The following RELCH variants were observed in gnomAD, a reference collection of about 807,000 sequenced individuals.
RELCH encodes RAB11 binding and LisH domain, coiled-coil and HEAT repeat containing, also known as RAB11-binding protein RELCH.
A neutral mutation model predicts 150.3 loss-of-function variants in RELCH; 41 were observed. That is an observed-to-expected ratio of 0.27 (90% CI 0.21 to 0.35). The LOEUF is 0.35. Among genes scored for constraint, RELCH ranks in the 10% least tolerant of loss-of-function variants. The pLI is 1.00. For missense variants in RELCH, 1,092 were observed against 1,467.8 expected, an observed-to-expected ratio of 0.74 and a Z score of 4.18; for synonymous variants, 478 against 531.8, an observed-to-expected ratio of 0.90 and a Z score of 1.39.
intron 1 of RELCH, among the ~76,000 whole-genome samples, chr18:62,193,805 G>A (rs2038825821): frequency 6.6e-6 from 1 of 152,106 alleles, no homozygotes; most frequent in African/African-American, 2.4e-5. Flanking sequence ...GTTCATCAGG[G>A]ATAGTATTTT....
chr18:62,279,466 AT>A (rs1255056841), intron 22 of RELCH, among the ~76,000 whole-genome samples: 1 of 152,188 alleles, frequency 6.6e-6, no homozygotes, highest in Non-Finnish European at 1.5e-5. Context: ...CTAAAAAAGT[AT>A]TCTTTTCAGT....
Position 62,252,893 on chromosome 18 carries a change from T to A in RELCH, c.1824+139T>A, listed in dbSNP as rs148810650. 1.4e-3 allele frequency: 922 copies of A among 647,868 alleles called. 8 individuals carry two copies. The East Asian group carries it at 0.016, about 12-fold the overall frequency. The allele number at this position is 647,868 out of a possible 1,614,324, so 40.1% of individuals were successfully genotyped here. A position where few individuals can be genotyped will look rare whatever the true frequency, so the allele number is the denominator to read the frequency against. ...TGTTTCTGTAGCCCAGCACAGTGAT[T>A]TATTAGTACTTACGAATGCTCTGGG... is the stretch of plus-strand genomic sequence containing the variant. On this transcript the variant is annotated intron_variant, in intron 12 of 28. Coordinates refer to ENST00000644646, the MANE Select transcript of RELCH (RefSeq NM_001346231.2).
intron 11 of RELCH, among the ~76,000 whole-genome samples, chr18:62,251,787 T>C (rs763793347): frequency 3.9e-5 from 6 of 152,184 alleles, no homozygotes; most frequent in Non-Finnish European, 5.9e-5. Context: ...TGAAGTTGTG[T>C]AGAAACTGAA....
intron 23 of RELCH, chr18:62,280,369 C>T (rs772565185): frequency 5.6e-6 from 9 of 1,613,696 alleles, no homozygotes; most frequent in East Asian, 2.2e-5. Context: ...GCTGACTCTT[C>T]GAGGCATGAG....
At chr18:62,254,466 A>G (rs2042891872) in intron 12 of RELCH, among the ~76,000 whole-genome samples, 1 of 151,752 alleles carries the variant, frequency 6.6e-6, no homozygotes, top group Non-Finnish European at 1.5e-5. Flanking sequence ...TGAGCTAAAG[A>G]AAAGCAAACG....
At chr18:62,227,192 T>C in intron 5 of RELCH, 97 bp from the exon 6 acceptor site, 1 of 800,734 alleles carries the variant, frequency 1.2e-6, no homozygotes. Flanking sequence ...GCAAAACCGA[T>C]CTTAAAAAAA....
chr18:62,257,924 T>A (rs1719033929), intron 13 of RELCH, 24 bp from the exon 14 acceptor site: 2 of 1,558,300 alleles, frequency 1.3e-6, no homozygotes, highest in East Asian at 2.3e-5. Context: ...TGTAAATAAA[T>A]AGTAAAAACA....
intron 11 of RELCH, chr18:62,247,008 T>C (rs973534498): frequency 3.9e-5 from 6 of 152,206 alleles, no homozygotes; most frequent in Non-Finnish European, 8.8e-5. Context: ...ATCATCATTG[T>C]CAAGAGAACT....
At chr18:62,220,068 A>C (rs2040752939) in intron 2 of RELCH, among the ~76,000 whole-genome samples, 1 of 152,098 alleles carries the variant, frequency 6.6e-6, no homozygotes, top group Non-Finnish European at 1.5e-5. Flanking sequence ...CTCAAGTCTA[A>C]CATTTTAAAG....
intron 21 of RELCH, among the ~76,000 whole-genome samples, chr18:62,274,297 A>G (rs2044072925): frequency 6.6e-6 from 1 of 152,168 alleles, no homozygotes; most frequent in African/African-American, 2.4e-5. Context: ...TTGTAATTTA[A>G]AAAGTAGGGG....
intron 18 of RELCH, among the ~76,000 whole-genome samples, chr18:62,265,753 T>C (rs1286470206): frequency 1.3e-5 from 2 of 151,966 alleles, no homozygotes; most frequent in Admixed American, 6.6e-5. Flanking sequence ...AGTCTTTTCA[T>C]GTGTGAAATG....
rs184094864 is a variant in RELCH, at chr18:62,271,227, A to G, written c.2760+2279A>G. ...CCACCAACAGTGTAAAAGCGTTCCT[A>G]TTTTTCCACATCCTCTCCAGCACCT... On this transcript the variant is annotated intron_variant, in intron 20 of 28. Transcript: ENST00000644646. Among the ~76,000 whole-genome samples, 16 of 152,154 alleles carry G rather than the reference A, an allele frequency of 1.1e-4. No homozygotes were observed. In the East Asian group the frequency reaches 2.7e-3, roughly 26 times the overall value.
intron 10 of RELCH, among the ~76,000 whole-genome samples, chr18:62,237,857 T>C (rs1455600651): frequency 6.6e-6 from 1 of 151,828 alleles, no homozygotes; most frequent in African/African-American, 2.4e-5. Flanking sequence ...AGCTGTCTAA[T>C]AAATTAACTT....
intron 1 of RELCH, among the ~76,000 whole-genome samples, chr18:62,190,362 A>T (rs1002526007): frequency 2.6e-5 from 4 of 152,144 alleles, no homozygotes; most frequent in African/African-American, 9.7e-5. Flanking sequence ...CCAGATCACG[A>T]GGTCAGGATT....
intron 22 of RELCH, 69 bp downstream of exon 22, chr18:62,275,542 A>AT (rs750175904): frequency 1.5e-4 from 136 of 922,946 alleles, no homozygotes; most frequent in Admixed American, 2.0e-4. Context: ...GAAGAAGGGA[A>AT]TTTTTTTTAA....
chr18:62,200,514 A>G (rs2039358629), intron 1 of RELCH, among the ~76,000 whole-genome samples: 1 of 152,060 alleles, frequency 6.6e-6, no homozygotes, highest in Non-Finnish European at 1.5e-5. Flanking sequence ...GATCAGGAAA[A>G]TATAAATGTG....
In RELCH at chr18:62,193,647, T is replaced by A. The variant is rs144290539; in HGVS notation, c.526+5616T>A. On this transcript the variant is annotated intron_variant, in intron 1 of 28. Transcript: ENST00000644646. Reference sequence around the variant, plus strand: ...CATGTGGTTTTTGTCTTTAGTTCTGTTTATGTGATGAATTACATTACTGAT... The same window carrying A: ...CATGTGGTTTTTGTCTTTAGTTCTGATTATGTGATGAATTACATTACTGAT... 6.5e-3 allele frequency among the ~76,000 whole-genome samples: 995 copies of A among 152,342 alleles called. 6 individuals carry two copies. The highest frequency in any genetic ancestry group is 0.01 in the Non-Finnish European group (708 of 68,026).
chr18:62,252,760 TAACTG>T lies in RELCH; in HGVS notation c.1824+7_1824+11del. On this transcript the variant is annotated splice_region_variant and intron_variant, in intron 12 of 28. Transcript: ENST00000644646. ...TACCACAGTGTTGGGAACAGGTAAA[TAACTG>T]TATTGAGTTTTCACCTAGCTATTAT... is the stretch of plus-strand genomic sequence containing the variant. 6.2e-7 allele frequency: 1 copy of T among 1,605,448 alleles called. No individual in the cohort carries two copies. The highest frequency in any genetic ancestry group is 8.5e-7 in the Non-Finnish European group (1 of 1,172,244).
chr18:62,201,192 C>T (rs1394202946), intron 1 of RELCH, among the ~76,000 whole-genome samples: 1 of 151,884 alleles, frequency 6.6e-6, no homozygotes, highest in Non-Finnish European at 1.5e-5. Context: ...CCAGGATGGT[C>T]TCGATCTCCT....
Sources: gnomAD v4.1 joint callset for allele counts (sites outside exome capture counted in the v4.1 genomes callset) on GRCh38, gnomAD v4.1.1 for gene constraint, MANE v1.5 for transcripts, NCBI Gene and HGNC (gene_info 2026-07-23, HGNC 2026-07-21) for gene names.